Variants in PDCD1LG2 observed in about 807,000 individuals in gnomAD.
The protein encoded by PDCD1LG2 is B7 dendritic cell molecule.
PDCD1LG2 carries 32 observed loss-of-function variants against 28.2 expected under a neutral mutation model. The observed-to-expected ratio is 1.13, with a 90% CI of 0.86 to 1.52. The LOEUF is 1.52. PDCD1LG2 is among the 40% of genes most tolerant of loss of function. The probability of loss-of-function intolerance (pLI) is 0.00; values close to 1 mark genes in which losing one functional copy is unlikely to be tolerated. For missense variants in PDCD1LG2, 385 were observed against 323.8 expected (o/e 1.19, Z -1.45); for synonymous variants, 116 against 120.2 (o/e 0.97, Z 0.23).
intron 1 of PDCD1LG2, among the ~76,000 whole-genome samples, chr9:5,519,767 T>C (rs962620020): frequency 6.6e-6 from 1 of 152,178 alleles, no homozygotes; most frequent in African/African-American, 2.4e-5. Flanking sequence ...TTTTTCCCCT[T>C]CCTTAATTTG....
intron 1 of PDCD1LG2, among the ~76,000 whole-genome samples, chr9:5,517,981 G>A (rs967203740): frequency 3.3e-5 from 5 of 152,176 alleles, no homozygotes; most frequent in Non-Finnish European, 5.9e-5. Flanking sequence ...TGGCAGTGGG[G>A]TGGAAGAAAG....
At chr9:5,515,218 A>C (rs1472023128) in intron 1 of PDCD1LG2, among the ~76,000 whole-genome samples, 2 of 152,234 alleles carry the variant, frequency 1.3e-5, no homozygotes, top group Non-Finnish European at 2.9e-5. Context: ...CATTAAGATG[A>C]AAATGGATAG....
chr9:5,522,755 G>C (rs79838766), intron 2 of PDCD1LG2, among the ~76,000 whole-genome samples, 154 bp downstream of exon 2: 2 of 151,192 alleles, frequency 1.3e-5, no homozygotes, highest in African/African-American at 2.4e-5. Flanking sequence ...AAAAAAAAGA[G>C]TCCCCATGGT....
chr9:5,564,827 T>A (rs1816632170), intron 6 of PDCD1LG2, among the ~76,000 whole-genome samples: 2 of 152,258 alleles, frequency 1.3e-5, no homozygotes, highest in Non-Finnish European at 2.9e-5. Flanking sequence ...GCTTTGCTCA[T>A]GTTGGTTATT....
At chr9:5,516,407 G>A (rs1217492782) in intron 1 of PDCD1LG2, among the ~76,000 whole-genome samples, 1 of 152,132 alleles carries the variant, frequency 6.6e-6, no homozygotes, top group Non-Finnish European at 1.5e-5. Flanking sequence ...TGGCCCATGG[G>A]CAGCCATGGA....
intron 1 of PDCD1LG2, 131 bp downstream of exon 1, chr9:5,510,934 A>G (rs1387098360): frequency 6.6e-6 from 1 of 152,602 alleles, no homozygotes; most frequent in African/African-American, 2.4e-5. Flanking sequence ...TGCCTCAGAA[A>G]TTGTGCTGAG....
At chr9:5,551,448 TGTA>T (rs1365995453) in intron 4 of PDCD1LG2, among the ~76,000 whole-genome samples, 1 of 152,262 alleles carries the variant, frequency 6.6e-6, no homozygotes, top group East Asian at 1.9e-4. Flanking sequence ...TTATCAAAGT[TGTA>T]GTGTGGACAA....
At chr9:5,539,205 C>T (rs1356659270) in intron 3 of PDCD1LG2, among the ~76,000 whole-genome samples, 1 of 151,934 alleles carries the variant, frequency 6.6e-6, no homozygotes, top group South Asian at 2.1e-4. Context: ...TAAGAATCAA[C>T]TTAATAGGTG....
At chr9:5,546,857 G>A (rs7043289) in intron 3 of PDCD1LG2, among the ~76,000 whole-genome samples, 55,263 of 152,080 alleles carry the variant, frequency 0.36, 11,470 homozygotes, top group African/African-American at 0.58. Flanking sequence ...AGGAGGCCCA[G>A]CTGGGTGTGC....
chr9:5,537,901 A>G (rs78810782), intron 3 of PDCD1LG2, among the ~76,000 whole-genome samples: 6,568 of 152,366 alleles, frequency 0.043, 194 homozygotes, highest in Middle Eastern at 0.078. Flanking sequence ...ATCTTAATGC[A>G]GAACACCCTG....
Position 5,552,030 on chromosome 9 carries a change from G to A in PDCD1LG2, c.631+2426G>A, listed in dbSNP as rs117235026. On this transcript the variant is annotated intron_variant, in intron 4 of 6. Transcript: ENST00000397747. ...CTCACCTAACACCCCAGATGGAATG[G>A]TTTCTTTGCCTGATAGGGTGACCCA... Among the ~76,000 whole-genome samples, 3 of 152,276 alleles carry A rather than the reference G, an allele frequency of 2.0e-5. No individual in the cohort carries two copies. The East Asian group carries it at 5.8e-4, about 29-fold the overall frequency.
intron 3 of PDCD1LG2, among the ~76,000 whole-genome samples, chr9:5,541,930 C>T (rs1381390786): frequency 1.3e-5 from 2 of 152,150 alleles, no homozygotes; most frequent in Non-Finnish European, 2.9e-5. Context: ...TAACTTCAAA[C>T]CATACTATAA....
In PDCD1LG2 at chr9:5,537,381, G is replaced by T. The variant is rs186840099; in HGVS notation, c.361+2331G>T. ...GAGAGCCATATCCATCTTATTAAGGGACACATTCCCAATAAATTTTCATCT... is the reference window on the plus strand; with the variant it reads ...GAGAGCCATATCCATCTTATTAAGGTACACATTCCCAATAAATTTTCATCT... On this transcript the variant is annotated intron_variant, in intron 3 of 6. Transcript: ENST00000397747. Among the ~76,000 whole-genome samples, 3 of 152,134 alleles carry T rather than the reference G, an allele frequency of 2.0e-5. No homozygotes were observed. In the East Asian group the frequency reaches 5.8e-4, roughly 29 times the overall value.
intron 3 of PDCD1LG2, among the ~76,000 whole-genome samples, chr9:5,544,478 C>T (rs1048776241): frequency 6.6e-6 from 1 of 152,194 alleles, no homozygotes; most frequent in African/African-American, 2.4e-5. Context: ...CTCCAGTCCA[C>T]CCTCTAGTGT....
In PDCD1LG2 at chr9:5,569,967, G is replaced by T. The variant is rs758335352; in HGVS notation, c.*8G>T. On this transcript the variant is annotated 3_prime_UTR_variant, in exon 7 of 7. Coordinates refer to ENST00000397747, the MANE Select transcript of PDCD1LG2 (RefSeq NM_025239.4). The surrounding 1 kb of genome is among the most constrained non-coding windows in gnomAD (Gnocchi z 4.1). ...TTTTCTCCCCAGATCTGAACCTGTGGTCTTGGGAGCCAGGGTGACCTGATA... is the reference window on the plus strand; with the variant it reads ...TTTTCTCCCCAGATCTGAACCTGTGTTCTTGGGAGCCAGGGTGACCTGATA... 1.2e-6 allele frequency: 2 copies of T among 1,614,026 alleles called. No homozygotes were observed. Among genetic ancestry groups the T allele is most frequent in the Non-Finnish European group, 1.7e-6 (2 of 1,179,902 alleles).
At chr9:5,521,295 T>C (rs1820268904) in intron 1 of PDCD1LG2, among the ~76,000 whole-genome samples, 1 of 152,130 alleles carries the variant, frequency 6.6e-6, no homozygotes, top group Non-Finnish European at 1.5e-5. Flanking sequence ...AATTGGATAA[T>C]AGTGTTTGTT....
intron 3 of PDCD1LG2, among the ~76,000 whole-genome samples, chr9:5,541,950 C>T (rs1586808240): frequency 6.6e-6 from 1 of 152,244 alleles, no homozygotes; most frequent in African/African-American, 2.4e-5. Flanking sequence ...ACACCATAGT[C>T]ACCAAAACAG....
At chr9:5,537,729 T>C (rs1416398047) in intron 3 of PDCD1LG2, among the ~76,000 whole-genome samples, 1 of 152,090 alleles carries the variant, frequency 6.6e-6, no homozygotes, top group African/African-American at 2.4e-5. Context: ...GGGACTGTTG[T>C]GTGGTCGGGG....
chr9:5,527,450 G>A (rs1475024755), intron 2 of PDCD1LG2, among the ~76,000 whole-genome samples: 1 of 152,082 alleles, frequency 6.6e-6, no homozygotes, highest in Non-Finnish European at 1.5e-5. Context: ...TTAACATAAA[G>A]CATTTGAAAT....
Sources: gnomAD v4.1 joint callset for allele counts (sites outside exome capture counted in the v4.1 genomes callset) on GRCh38, gnomAD v4.1.1 for gene constraint, Gnocchi (gnomAD v3.1) non-coding constraint, MANE v1.5 for transcripts, NCBI Gene and HGNC (gene_info 2026-07-23, HGNC 2026-07-21) for gene names.